The following RAPGEF4 variants were observed in gnomAD, a reference collection of about 807,000 sequenced individuals.
The protein encoded by RAPGEF4 is RAP guanine-nucleotide-exchange factor (GEF) 4.
In RAPGEF4, 66 loss-of-function variants were observed where a neutral mutation model predicts 147.9. The observed-to-expected ratio is 0.45, with a 90% confidence interval of 0.37 to 0.55. The LOEUF is 0.55. Ranked by LOEUF, RAPGEF4 falls within the 20% of genes least tolerant of loss-of-function variation. The probability of loss-of-function intolerance (pLI) is 0.00; values close to 1 mark genes in which losing one functional copy is unlikely to be tolerated. For synonymous variants in RAPGEF4, 419 were observed against 442.7 expected, an observed-to-expected ratio of 0.95 and a Z score of 0.67; for missense variants, 1,071 against 1,257.3, an observed-to-expected ratio of 0.85 and a Z score of 2.24.
intron 4 of RAPGEF4, among the ~76,000 whole-genome samples, chr2:172,893,428 G>A (rs1469248192): frequency 1.3e-5 from 2 of 152,166 alleles, no homozygotes; most frequent in African/African-American, 4.8e-5. Flanking sequence ...GAAACATCAT[G>A]GGCACAGTAA....
intron 10 of RAPGEF4, among the ~76,000 whole-genome samples, chr2:172,979,068 A>G (rs1691400734): frequency 6.6e-6 from 1 of 152,196 alleles, no homozygotes; most frequent in African/African-American, 2.4e-5. Flanking sequence ...CTGTAATCCT[A>G]AGAAAAATAG....
Position 173,048,622 on chromosome 2 carries a change from G to T in RAPGEF4, c.2876G>T (p.Arg959Ile). 6.2e-7 allele frequency: 1 copy of T among 1,614,054 alleles called. No individual in the cohort carries two copies. Among genetic ancestry groups the T allele is most frequent in the Non-Finnish European group, 8.5e-7 (1 of 1,180,000 alleles). Residue 959 changes from arginine (R) to isoleucine (I), a missense_variant, in exon 30 of 31, where the codon AGA becomes ATA. By Grantham distance (97) the Arg-to-Ile change is moderately conservative (BLOSUM62 -3). Transcript: ENST00000397081. ...EKMRMIANTA[R>I]TVRYYRSQPF... is the part of the protein sequence containing the mutation. ...TAGCGCATGATTGCAAATACGGCCA[G>T]AACAGTGAGATACTACAGGAGCCAA...
intron 6 of RAPGEF4, among the ~76,000 whole-genome samples, chr2:172,936,508 A>T (rs930706799): frequency 6.6e-6 from 1 of 151,932 alleles, no homozygotes; most frequent in African/African-American, 2.4e-5. Context: ...TTTCAATTAA[A>T]TTTTTTTAAG....
At chr2:172,928,123 T>G (rs1685558443) in intron 6 of RAPGEF4, 1 of 445,982 alleles carries the variant, frequency 2.2e-6, no homozygotes, top group African/African-American at 2.0e-5. Flanking sequence ...GAGCCAGGAC[T>G]TATTTTGCCC....
At chr2:172,786,021 C>A (rs1685159016) in intron 1 of RAPGEF4, among the ~76,000 whole-genome samples, 1 of 152,166 alleles carries the variant, frequency 6.6e-6, no homozygotes, top group African/African-American at 2.4e-5. Context: ...ATGTTTCTTA[C>A]TGATTTATGG....
At chr2:172,967,562 A>C in intron 10 of RAPGEF4, 118 bp downstream of exon 10, 1 of 1,076,340 alleles carries the variant, frequency 9.3e-7, no homozygotes, top group Non-Finnish European at 1.3e-6. Context: ...CATGGAACAA[A>C]AGGGAGCAGC....
At chr2:172,880,525 T>C (rs1234157346) in intron 4 of RAPGEF4, among the ~76,000 whole-genome samples, 1 of 152,222 alleles carries the variant, frequency 6.6e-6, no homozygotes, top group African/African-American at 2.4e-5. Flanking sequence ...AGTCTAGATT[T>C]TGAAGAACTG....
intron 4 of RAPGEF4, among the ~76,000 whole-genome samples, chr2:172,872,102 T>G (rs536679587): frequency 6.6e-6 from 1 of 152,342 alleles, no homozygotes; most frequent in African/African-American, 2.4e-5. Flanking sequence ...AGTTTCTAAA[T>G]CTTACTTCAG....
intron 1 of RAPGEF4, among the ~76,000 whole-genome samples, chr2:172,743,947 G>A (rs1376686969): frequency 1.3e-5 from 2 of 152,148 alleles, no homozygotes; most frequent in African/African-American, 4.8e-5. Flanking sequence ...TTTCTCTAAA[G>A]CATTCTTTGT....
At chr2:172,771,494 T>C (rs1683596267) in intron 1 of RAPGEF4, among the ~76,000 whole-genome samples, 1 of 152,134 alleles carries the variant, frequency 6.6e-6, no homozygotes, top group African/African-American at 2.4e-5. Flanking sequence ...ATATAGCATA[T>C]TGAGGTTATT....
intron 4 of RAPGEF4, among the ~76,000 whole-genome samples, chr2:172,831,265 A>ATTTTTTTTTTTTTTTTTTTTTTTT: frequency 6.0e-5 from 1 of 16,620 alleles, no homozygotes; most frequent in Non-Finnish European, 1.5e-4. Flanking sequence ...CAGATAGAAA[A>ATTTTTTTTTTTTTTTTTTTTTTTT]CTTTTTTTTT....
intron 17 of RAPGEF4, among the ~76,000 whole-genome samples, chr2:173,013,665 C>T (rs891169864): frequency 1.3e-5 from 2 of 152,144 alleles, no homozygotes; most frequent in African/African-American, 4.8e-5. Flanking sequence ...AGGAGACTCT[C>T]AATCAGTACT....
Position 173,051,606 on chromosome 2 carries a change from A to G in RAPGEF4, c.2909-34A>G, listed in dbSNP as rs1441348943. The G allele has an allele frequency of 2.5e-6, 4 of 1,604,952 alleles. No homozygotes were observed. In the South Asian group the frequency reaches 4.4e-5, roughly 18 times the overall value. On this transcript the variant is annotated intron_variant, in intron 30 of 30. Transcript: ENST00000397081. Reference sequence around the variant, plus strand: ...ATTGTATCTTATATACATATATTACACAATGCCAATTCTGCCCTTTCCTCT... The same window carrying G: ...ATTGTATCTTATATACATATATTACGCAATGCCAATTCTGCCCTTTCCTCT...
chr2:173,024,641 T>G (rs1696486187), intron 23 of RAPGEF4, among the ~76,000 whole-genome samples: 2 of 152,152 alleles, frequency 1.3e-5, no homozygotes, highest in Non-Finnish European at 2.9e-5. Flanking sequence ...TAGGTATAGG[T>G]ATCATGACCC....
rs186815161 is a variant in RAPGEF4, at chr2:173,002,986, G to A, written c.1658+1642G>A. ...TATAGACCTTTGAGATTTGCTGGAA[G>A]GAAAAATAAAATCCACCATTGAGTT... is the stretch of plus-strand genomic sequence containing the variant. On this transcript the variant is annotated intron_variant, in intron 17 of 30. Transcript: ENST00000397081. 3.0e-4 allele frequency among the ~76,000 whole-genome samples: 45 copies of A among 152,204 alleles called. 1 individual carries two copies. The East Asian group carries it at 7.9e-3, about 27-fold the overall frequency.
chr2:173,035,335 C>T (rs1363012843), intron 27 of RAPGEF4, among the ~76,000 whole-genome samples: 2 of 151,788 alleles, frequency 1.3e-5, no homozygotes, highest in South Asian at 2.1e-4. Flanking sequence ...GGTGAAACCC[C>T]GTCTCTACTA....
At chr2:172,748,813 G>A (rs545722693) in intron 1 of RAPGEF4, among the ~76,000 whole-genome samples, 4 of 152,316 alleles carry the variant, frequency 2.6e-5, no homozygotes, top group African/African-American at 4.8e-5. Flanking sequence ...AAAATCAAAA[G>A]CAAGTTAGTT....
At chr2:172,956,717 G>T (rs575899482) in intron 6 of RAPGEF4, among the ~76,000 whole-genome samples, 1 of 152,204 alleles carries the variant, frequency 6.6e-6, no homozygotes, top group East Asian at 1.9e-4. Flanking sequence ...TGATCTGCCC[G>T]CCTCAGCCTC....
chr2:172,925,388 A>T (rs1685183455), intron 6 of RAPGEF4, among the ~76,000 whole-genome samples: 1 of 152,208 alleles, frequency 6.6e-6, no homozygotes, highest in East Asian at 1.9e-4. Flanking sequence ...ACAAAAATAA[A>T]TTCCTTTTCA....
Sources: gnomAD v4.1 joint callset for allele counts (sites outside exome capture counted in the v4.1 genomes callset) on GRCh38, gnomAD v4.1.1 for gene constraint, MANE v1.5 for transcripts, NCBI Gene and HGNC (gene_info 2026-07-23, HGNC 2026-07-21) for gene names.